The following FAM228B variants were observed in gnomAD, a reference collection of about 807,000 sequenced individuals.
FAM228B encodes family with sequence similarity 228 member B, also known as protein FAM228B.
FAM228B carries 38 observed loss-of-function variants against 42.6 expected under a neutral mutation model. The ratio of observed to expected loss-of-function variants is 0.89; its 90% confidence interval spans 0.69 to 1.17. The LOEUF is 1.17. Ranked by LOEUF, FAM228B falls within the 50% of genes most tolerant of loss-of-function variation. The pLI, the probability that FAM228B is intolerant of heterozygous loss-of-function variation, is 0.00. For synonymous variants in FAM228B, 109 were observed against 122.3 expected (o/e 0.89, Z 0.72); for missense variants, 344 against 367.3 (o/e 0.94, Z 0.52).
Position 24,077,633 on chromosome 2 carries a change from C to T in FAM228B, c.-290+664C>T, listed in dbSNP as rs749386893. 13 of 1,610,690 alleles carry T rather than the reference C, an allele frequency of 8.1e-6. No individual in the cohort carries two copies. The highest frequency in any genetic ancestry group is 1.6e-4 in the Middle Eastern group (1 of 6,062). ...CTATGTTCTTGTTGGCCTCCATGTA[C>T]TTATGGGCCTCCTGGATTTCGGTCA... On this transcript the variant is annotated intron_variant, in intron 1 of 10. Coordinates refer to the FAM228B transcript ENST00000613899. The surrounding 1 kb of genome is among the most constrained non-coding windows in gnomAD (Gnocchi z 5.5).
chr2:24,111,155 G>A (rs1296147081), intron 3 of FAM228B, among the ~76,000 whole-genome samples: 2 of 151,998 alleles, frequency 1.3e-5, no homozygotes, highest in Non-Finnish European at 2.9e-5. Context: ...GAAACTCTTG[G>A]GCTCAAGCAA....
In FAM228B at chr2:24,153,840, C is replaced by T. The variant is rs547924014; in HGVS notation, c.686+6754C>T. 3.3e-5 allele frequency among the ~76,000 whole-genome samples: 5 copies of T among 152,326 alleles called. No homozygotes were observed. In the East Asian group the frequency reaches 9.6e-4, roughly 29 times the overall value. ...CCTAGGAGCCCAGGGTACTTCAGCCCACAATGGTGAGGCTTGTGGAGAAAC... is the reference window on the plus strand; with the variant it reads ...CCTAGGAGCCCAGGGTACTTCAGCCTACAATGGTGAGGCTTGTGGAGAAAC... On this transcript the variant is annotated intron_variant, in intron 7 of 10. Transcript: ENST00000615575.
intron 5 of FAM228B, among the ~76,000 whole-genome samples, chr2:24,144,223 T>G (rs1189766839): frequency 6.6e-6 from 1 of 152,096 alleles, no homozygotes; most frequent in African/African-American, 2.4e-5. Context: ...GGAGGATGAC[T>G]TGAACTCAGC....
At chr2:24,079,784 GT>G in intron 1 of FAM228B, 1 of 750,174 alleles carries the variant, frequency 1.3e-6, no homozygotes, top group South Asian at 1.9e-5. Context: ...AAGAACTGTT[GT>G]AAATGGAGTT....
chr2:24,130,871 C>T (rs985370101), intron 2 of FAM228B, among the ~76,000 whole-genome samples: 1 of 152,076 alleles, frequency 6.6e-6, no homozygotes, highest in Non-Finnish European at 1.5e-5. Flanking sequence ...GAAGTCTTTG[C>T]CCATGCCCTG....
chr2:24,116,922 A>G (rs1187975911), intron 3 of FAM228B, among the ~76,000 whole-genome samples: 7 of 152,044 alleles, frequency 4.6e-5, no homozygotes, highest in African/African-American at 1.7e-4. Context: ...AATAAACAAA[A>G]AACAACTAAG....
intron 2 of FAM228B, among the ~76,000 whole-genome samples, chr2:24,094,611 A>C (rs1414076915): frequency 6.6e-6 from 1 of 151,994 alleles, no homozygotes; most frequent in Non-Finnish European, 1.5e-5. Context: ...CAGTCTTCCT[A>C]GTAGCTGGGA....
intron 9 of FAM228B, chr2:24,166,054 A>AAAAAAT (rs56146407): frequency 1.2e-5 from 1 of 81,030 alleles, no homozygotes; most frequent in African/African-American, 4.0e-5. Flanking sequence ...AAAAAAAAAA[A>AAAAAAT]ATATATATAT....
chr2:24,136,187 A>C (rs1666582881), intron 3 of FAM228B, among the ~76,000 whole-genome samples: 2 of 145,100 alleles, frequency 1.4e-5, no homozygotes, highest in African/African-American at 5.1e-5. Flanking sequence ...TCAGCCTCCC[A>C]ATTAGTTGGG....
chr2:24,113,111 G>A (rs1665825526), intron 3 of FAM228B, among the ~76,000 whole-genome samples: 1 of 152,108 alleles, frequency 6.6e-6, no homozygotes, highest in Non-Finnish European at 1.5e-5. Context: ...CTGTCTTGGG[G>A]TAGATGTATT....
intron 3 of FAM228B, among the ~76,000 whole-genome samples, chr2:24,117,775 G>A (rs1665969745): frequency 6.6e-6 from 1 of 152,098 alleles, no homozygotes. Context: ...TTTCTACAAT[G>A]ATCACGTATA....
chr2:24,090,578 AAAAAAT>A (rs1170800107), intron 2 of FAM228B, among the ~76,000 whole-genome samples: 1 of 151,616 alleles, frequency 6.6e-6, no homozygotes, highest in African/African-American at 2.4e-5. Flanking sequence ...AAAAAAAAAA[AAAAAAT>A]AGGAAATGGA....
At chr2:24,122,326 C>CAAAA (rs71397404), upstream of FAM228B, 62,376 of 731,804 alleles carry the variant, frequency 0.085, 1,304 homozygotes, top group South Asian at 0.1. Flanking sequence ...AATTCCGTCT[C>CAAAA]AAAAAAAAAA....
chr2:24,103,123 T>A (rs1665638142), intron 3 of FAM228B, among the ~76,000 whole-genome samples: 1 of 152,194 alleles, frequency 6.6e-6, no homozygotes, highest in Non-Finnish European at 1.5e-5. Context: ...ATGAAAGAAA[T>A]CATGCAATTT....
intron 7 of FAM228B, among the ~76,000 whole-genome samples, chr2:24,150,795 C>T (rs1304353136): frequency 6.6e-6 from 1 of 152,166 alleles, no homozygotes; most frequent in Non-Finnish European, 1.5e-5. Flanking sequence ...AGTCTGCTGC[C>T]AGATGTGGTG....
chr2:24,144,684 T>C (rs998080682), intron 5 of FAM228B, among the ~76,000 whole-genome samples: 1 of 152,078 alleles, frequency 6.6e-6, no homozygotes, highest in Non-Finnish European at 1.5e-5. Context: ...CTTGCTGACC[T>C]CAGCACAGGG....
chr2:24,115,498 T>C, intron 3 of FAM228B: 1 of 1,273,112 alleles, frequency 7.9e-7, no homozygotes, highest in Non-Finnish European at 1.1e-6. Flanking sequence ...TGTCTAGTGT[T>C]TTTTCAACCA....
In FAM228B at chr2:24,081,029, T is replaced by G. The variant is rs767549641; in HGVS notation, c.-210+74T>G. 6 of 1,611,278 alleles carry G rather than the reference T, an allele frequency of 3.7e-6. No homozygotes were observed. The East Asian group carries it at 1.1e-4, about 30-fold the overall frequency. On this transcript the variant is annotated intron_variant, in intron 2 of 10. Coordinates refer to the FAM228B transcript ENST00000613899. ...AGCACATAGTCTCCAGCCTGAACAT[T>G]TCCTGTGACAGAAAGTACAGGGTTC...
intron 3 of FAM228B, among the ~76,000 whole-genome samples, chr2:24,112,788 T>C (rs1034989376): frequency 1.3e-5 from 2 of 152,190 alleles, no homozygotes; most frequent in Non-Finnish European, 2.9e-5. Flanking sequence ...TCTATCCATC[T>C]TCCCATTTTC....
Sources: allele counts gnomAD v4.1 joint callset (sites outside exome capture counted in the v4.1 genomes callset), GRCh38; gene constraint gnomAD v4.1.1; non-coding constraint Gnocchi (gnomAD v3.1); transcripts MANE v1.5; gene names NCBI Gene and HGNC (gene_info 2026-07-23, HGNC 2026-07-21).